Variants in MPHOSPH9 observed in about 807,000 individuals in gnomAD.
The protein encoded by MPHOSPH9 is M-phase phosphoprotein 9.
In MPHOSPH9, 88 loss-of-function variants were observed where a neutral mutation model predicts 145.5. The observed-to-expected ratio is 0.60, with a 90% CI of 0.51 to 0.72. The LOEUF (loss-of-function observed/expected upper bound fraction) is 0.72. MPHOSPH9 is among the 30% of genes least tolerant of loss of function. The pLI is 0.00. For synonymous variants in MPHOSPH9, 435 were observed against 486.2 expected (o/e 0.89, Z 1.39); for missense variants, 1,238 against 1,386.6 (o/e 0.89, Z 1.70).
At chr12:123,178,182 C>CT (rs1176319739) in intron 15 of MPHOSPH9, among the ~76,000 whole-genome samples, 1 of 152,230 alleles carries the variant, frequency 6.6e-6, no homozygotes, top group Non-Finnish European at 1.5e-5. Context: ...GCTGGGAGTA[C>CT]TGGTGCATAC....
chr12:123,227,672 A>G (rs926225133), intron 2 of MPHOSPH9, 56 bp from the exon 3 acceptor site: 1 of 1,388,754 alleles, frequency 7.2e-7, no homozygotes, highest in Non-Finnish European at 9.5e-7. Context: ...AGTGTTGAAT[A>G]ATTCAGCAGT....
In MPHOSPH9 at chr12:123,198,317, C is replaced by A. The variant is rs145677970; in HGVS notation, c.1955G>T (p.Ser652Ile). 417 of 1,611,798 alleles carry A rather than the reference C, an allele frequency of 2.6e-4. No homozygotes were observed. The highest frequency in any genetic ancestry group is 1.5e-3 in the Admixed American group (87 of 59,724). Residue 652 changes from serine (S) to isoleucine (I), a missense_variant, in exon 12 of 24, where the codon AGT becomes ATT. Around this residue, in one of 3 missense-constraint regions of MPHOSPH9, gnomAD observed 837 missense variants for 897.5 expected, o/e 0.93. Coordinates refer to ENST00000606320, the MANE Select transcript of MPHOSPH9 (RefSeq NM_022782.4). ...ILVDRCGQLD[S>I]ALHEATSRVR... The stretch of plus-strand genomic sequence containing the variant: ...GCGACTAGTAGCTTCATGCAAAGCA[C>A]TATCTAATTGGCCACATCTAAAAAC...
rs560571989 is a variant in MPHOSPH9 at position 123,161,549 on chromosome 12, T to C, written c.3134-166A>G. On this transcript the variant is annotated intron_variant, in intron 21 of 23. Coordinates refer to ENST00000606320, the MANE Select transcript of MPHOSPH9 (RefSeq NM_022782.4). Reference sequence around the variant, plus strand: ...ATCAATCTTATTTACTCAGTGCTTTTTTCTCCAAAGAATTCTGAAAGCTTT... The same window carrying C: ...ATCAATCTTATTTACTCAGTGCTTTCTTCTCCAAAGAATTCTGAAAGCTTT... 8.5e-5 allele frequency among the ~76,000 whole-genome samples: 13 copies of C among 152,290 alleles called. No individual in the cohort carries two copies. The South Asian group carries it at 2.7e-3, about 32-fold the overall frequency.
At position 123,212,761 on chromosome 12, in the gene MPHOSPH9, G is replaced by A. The variant is rs1162931837; in HGVS notation, c.1087+1983C>T. ...AGAGTACAATCCCCAGCCTACAATG[G>A]TCGACTTTTTTTTTTTTTTTTTTTT... is the stretch of plus-strand genomic sequence containing the variant. On this transcript the variant is annotated intron_variant, in intron 7 of 23. Transcript: ENST00000606320. 2.0e-4 allele frequency among the ~76,000 whole-genome samples: 24 copies of A among 119,462 alleles called. No individual in the cohort carries two copies. The South Asian group carries it at 7.0e-3, about 35-fold the overall frequency. 78.4% of individuals were successfully genotyped at this position (119,462 alleles called of 152,430 possible). A position where few individuals can be genotyped will look rare whatever the true frequency, so the allele number is the denominator to read the frequency against.
At chr12:123,179,348 C>T (rs377544006) in intron 15 of MPHOSPH9, among the ~76,000 whole-genome samples, 132 of 152,124 alleles carry the variant, frequency 8.7e-4, no homozygotes, top group African/African-American at 2.9e-3. Context: ...CCGAGGCAGG[C>T]GGATCACTTG....
At chr12:123,153,463 T>C (rs1447389705), downstream of MPHOSPH9, 3 of 152,116 alleles carry the variant, frequency 2.0e-5, no homozygotes, top group Non-Finnish European at 4.4e-5. Context: ...ACTTTTTTAT[T>C]TCAGAAAGTA....
intron 8 of MPHOSPH9, among the ~76,000 whole-genome samples, chr12:123,207,698 C>G (rs1390431333): frequency 6.6e-6 from 1 of 151,568 alleles, no homozygotes; most frequent in Non-Finnish European, 1.5e-5. Flanking sequence ...TACACAAATA[C>G]AAAACATAGC....
At chr12:123,187,535 C>G (rs1328292541) in intron 13 of MPHOSPH9, among the ~76,000 whole-genome samples, 1 of 151,924 alleles carries the variant, frequency 6.6e-6, no homozygotes, top group African/African-American at 2.4e-5. Flanking sequence ...AAAACAAAGC[C>G]AAGAAATAGG....
rs1593255496 is a variant in MPHOSPH9, at chr12:123,230,464, C to T, written c.-100G>A. On this transcript the variant is annotated 5_prime_UTR_variant, in exon 2 of 24. Transcript: ENST00000606320. ...TCATCTTCAGAGGCTTCATCATCTA[C>T]TGGCATTTTCAGTGGCTAACATTCA... The T allele has an allele frequency of 1.7e-6, 1 of 594,158 alleles. No homozygotes were observed. The highest frequency in any genetic ancestry group is 1.9e-5 in the African/African-American group (1 of 51,866). 36.8% of individuals were successfully genotyped at this position (594,158 alleles called of 1,614,324 possible). A position where few individuals can be genotyped will look rare whatever the true frequency, so the allele number is the denominator to read the frequency against.
intron 7 of MPHOSPH9, among the ~76,000 whole-genome samples, chr12:123,212,624 T>C (rs1012649550): frequency 7.1e-6 from 1 of 140,080 alleles, no homozygotes; most frequent in African/African-American, 2.7e-5. Flanking sequence ...GGCAGAAAAA[T>C]CACTTGAATC....
intron 8 of MPHOSPH9, among the ~76,000 whole-genome samples, chr12:123,208,183 C>A (rs1314172208): frequency 3.3e-5 from 4 of 122,302 alleles, no homozygotes; most frequent in African/African-American, 1.2e-4. Context: ...ACTGAGACTC[C>A]GTCTCAAAAA....
rs1215643930 is a variant in MPHOSPH9, at chr12:123,166,640, G to A, written c.2591+15C>T. On this transcript the variant is annotated intron_variant, in intron 17 of 23. Coordinates refer to ENST00000606320, the MANE Select transcript of MPHOSPH9 (RefSeq NM_022782.4). Reference sequence around the variant, plus strand: ...ATAACATCCCTAAATAGAATCTTTAGCAAAGTTATCTCACCCTAGGCTACA... The same window carrying A: ...ATAACATCCCTAAATAGAATCTTTAACAAAGTTATCTCACCCTAGGCTACA... 1 of 1,608,872 alleles carries A rather than the reference G, an allele frequency of 6.2e-7. No individual in the cohort carries two copies. Among genetic ancestry groups the A allele is most frequent in the Non-Finnish European group, 8.5e-7 (1 of 1,178,646 alleles).
intron 1 of MPHOSPH9, among the ~76,000 whole-genome samples, chr12:123,242,241 G>A (rs2047950966): frequency 6.6e-6 from 1 of 152,180 alleles, no homozygotes; most frequent in South Asian, 2.1e-4. Context: ...CATCATCAAA[G>A]GAAAAGTAGA....
At position 123,221,668 on chromosome 12, in the gene MPHOSPH9, A is replaced by G; in HGVS notation, c.576T>C (p.Ser192=). ...STSQPDCNVD[S]CSVSSGYGTF... ...TGCCATATCCACTGCTTACTGAGCA[A>G]CTATCCACATTGCAGTCTGGTTGTG... Residue 192 remains serine, a synonymous_variant, in exon 5 of 24, where the codon AGT becomes AGC. Transcript: ENST00000606320. 1 of 1,614,166 alleles carries G rather than the reference A, an allele frequency of 6.2e-7. No homozygotes were observed. Among genetic ancestry groups the G allele is most frequent in the African/African-American group, 1.3e-5 (1 of 75,056 alleles).
intron 6 of MPHOSPH9, 61 bp downstream of exon 6, chr12:123,218,315 T>C: frequency 6.3e-7 from 1 of 1,594,204 alleles, no homozygotes; most frequent in Non-Finnish European, 8.6e-7. Context: ...TTCATGAGCG[T>C]GTACTAAACC....
chr12:123,222,974 G>A, intron 4 of MPHOSPH9, 64 bp downstream of exon 4: 1 of 772,208 alleles, frequency 1.3e-6, no homozygotes, highest in South Asian at 1.7e-5. Flanking sequence ...GTGTGTGTGT[G>A]TGTGTGTATA....
intron 15 of MPHOSPH9, among the ~76,000 whole-genome samples, chr12:123,178,289 AAAT>A (rs1399160308): frequency 5.9e-5 from 9 of 152,218 alleles, no homozygotes; most frequent in Non-Finnish European, 1.0e-4. Context: ...AAGATTTGAG[AAAT>A]AATAGCCCTA....
chr12:123,157,920 G>GA (rs1024595461), intron 23 of MPHOSPH9, among the ~76,000 whole-genome samples: 22 of 149,316 alleles, frequency 1.5e-4, no homozygotes, highest in Middle Eastern at 3.5e-3. Flanking sequence ...AAGCAAAAAA[G>GA]AAAAAAAAAC....
Position 123,221,661 on chromosome 12 carries a change from C to G in MPHOSPH9, c.583G>C (p.Val195Leu), listed in dbSNP as rs1157053803. ...CAAAAGGTGCCATATCCACTGCTTA[C>G]TGAGCAACTATCCACATTGCAGTCT... ...QPDCNVDSCS[V>L]SSGYGTFCIS... The change falls in exon 5 of 24, where the codon GTA becomes CTA. Residue 195 changes from valine to leucine, a missense_variant. Physicochemically the swap from Val to Leu is conservative, Grantham distance 32 (BLOSUM62 1). Around this residue, in one of 3 missense-constraint regions of MPHOSPH9, gnomAD observed 837 missense variants for 897.5 expected, o/e 0.93. Coordinates refer to ENST00000606320, the MANE Select transcript of MPHOSPH9 (RefSeq NM_022782.4). 6.2e-7 allele frequency: 1 copy of G among 1,614,042 alleles called. No individual in the cohort carries two copies. Among genetic ancestry groups the G allele is most frequent in the Non-Finnish European group, 8.5e-7 (1 of 1,180,030 alleles).
Sources: allele counts gnomAD v4.1 joint callset (sites outside exome capture counted in the v4.1 genomes callset), GRCh38; gene constraint gnomAD v4.1.1; regional missense constraint gnomAD v4.1.1; transcripts MANE v1.5; gene names NCBI Gene and HGNC (gene_info 2026-07-23, HGNC 2026-07-21).